Variants in TXNRD2 observed in about 807,000 individuals in gnomAD.
TXNRD2 encodes thioredoxin reductase 2, mitochondrial.
TXNRD2 carries 67 observed loss-of-function variants against 70.8 expected under a neutral mutation model. The observed-to-expected ratio is 0.95, with a 90% CI of 0.78 to 1.16. The LOEUF is 1.16. TXNRD2 is among the 50% of genes most tolerant of loss of function. The probability of loss-of-function intolerance (pLI) is 0.00; values close to 1 mark genes in which losing one functional copy is unlikely to be tolerated. For synonymous variants in TXNRD2, 301 were observed against 295.8 expected (o/e 1.02, Z -0.18); for missense variants, 644 against 719.9 (o/e 0.89, Z 1.21).
At chr22:19,878,031 G>A (rs970110744) in intron 16 of TXNRD2, 59 bp downstream of exon 16, 43 of 1,432,772 alleles carry the variant, frequency 3.0e-5, no homozygotes, top group South Asian at 1.2e-4. Flanking sequence ...TAGGACTGCC[G>A]GCACTCGAGG....
chr22:19,885,522 G>A (rs376657425), intron 11 of TXNRD2, among the ~76,000 whole-genome samples: 5 of 152,236 alleles, frequency 3.3e-5, no homozygotes, highest in Admixed American at 6.5e-5. Flanking sequence ...GGCTGGCACC[G>A]GTCGGGGATC....
Position 19,919,573 on chromosome 22 carries a change from C to A in TXNRD2, c.199G>T (p.Val67Leu). The A allele has an allele frequency of 1.3e-6, 2 of 1,564,222 alleles. No homozygotes were observed. The highest frequency in any genetic ancestry group is 8.7e-7 in the Non-Finnish European group (1 of 1,155,232). ...GGAGAAGGTTCCACGTAGTCCACCACGGCCACCTTCCTTCCCAGCTGGGCG... is the reference window on the plus strand; with the variant it reads ...GGAGAAGGTTCCACGTAGTCCACCAAGGCCACCTTCCTTCCCAGCTGGGCG... ...EAAQLGRKVA[V>L]VDYVEPSPQG... is the part of the protein sequence containing the mutation. Residue 67 changes from valine (V) to leucine (L), a missense_variant, in exon 3 of 18, where the codon GTG (valine) becomes TTG (leucine). Physicochemically the swap from Val to Leu is conservative, Grantham distance 32. This residue lies in a region of TXNRD2 where 566 missense variants were observed against 645.0 expected (regional missense o/e 0.88). Transcript: ENST00000400521.
At chr22:19,876,977 C>A (rs1938534867) in intron 17 of TXNRD2, 63 bp downstream of exon 17, 6 of 1,233,364 alleles carry the variant, frequency 4.9e-6, no homozygotes. Context: ...GAGCCCATGG[C>A]CAGGGCTCCT....
intron 11 of TXNRD2, chr22:19,894,869 C>A: frequency 1.5e-6 from 1 of 649,224 alleles, no homozygotes; most frequent in South Asian, 2.0e-5. Flanking sequence ...GCGCCTGTAG[C>A]CCCAGCTACC....
chr22:19,912,458 G>A lies in TXNRD2; in HGVS notation c.592-1011C>T, dbSNP rs545051110. Among the ~76,000 whole-genome samples, 7 of 152,304 alleles carry A rather than the reference G, an allele frequency of 4.6e-5. No individual in the cohort carries two copies. In the East Asian group the frequency reaches 1.2e-3, roughly 25 times the overall value. On this transcript the variant is annotated intron_variant, in intron 7 of 17. Transcript: ENST00000400521. Reference sequence around the variant, plus strand: ...CCCAAAGAGCCGTCAGCAGCTGCCCGTGAGGTGCAGAGCAGGGCCGGGCCA... The same window carrying A: ...CCCAAAGAGCCGTCAGCAGCTGCCCATGAGGTGCAGAGCAGGGCCGGGCCA...
chr22:19,896,543 C>T (rs1181621799), intron 10 of TXNRD2, among the ~76,000 whole-genome samples: 1 of 152,086 alleles, frequency 6.6e-6, no homozygotes, highest in East Asian at 1.9e-4. Flanking sequence ...AGACTCTGCT[C>T]CCGCCTAGAA....
Position 19,883,313 on chromosome 22 carries a change from C to T in TXNRD2, c.1086+12G>A, listed in dbSNP as rs143966577. On this transcript the variant is annotated intron_variant, in intron 12 of 17. Transcript: ENST00000400521. ...AGGGGCAGGGGCCCTGGTCCCGGGA[C>T]GCATGCCGTACCTCCACCACGTCAC... 343 of 1,612,332 alleles carry T rather than the reference C, an allele frequency of 2.1e-4. 1 individual carries two copies. In the East Asian group the frequency reaches 2.8e-3, roughly 13 times the overall value.
At position 19,883,464 on chromosome 22, in the gene TXNRD2, G is replaced by A; in HGVS notation, c.950-3C>T. The A allele has an allele frequency of 6.2e-7, 1 of 1,614,012 alleles. No homozygotes were observed. Among genetic ancestry groups the A allele is most frequent in the Non-Finnish European group, 8.5e-7 (1 of 1,180,034 alleles). Reference sequence around the variant, plus strand: ...ACTTCTGGTGTCTGGGACTCGACCTGAAGGAAACAGAGAGGGGGCTGAAAG... The same window carrying A: ...ACTTCTGGTGTCTGGGACTCGACCTAAAGGAAACAGAGAGGGGGCTGAAAG... On this transcript the variant is annotated splice_region_variant and splice_polypyrimidine_tract_variant and intron_variant, in intron 11 of 17. Transcript: ENST00000400521.
chr22:19,900,184 A>G (rs1939707301), intron 8 of TXNRD2, among the ~76,000 whole-genome samples: 1 of 152,216 alleles, frequency 6.6e-6, no homozygotes, highest in African/African-American at 2.4e-5. Context: ...GGCTGAGCAC[A>G]AGGTGGTTAC....
chr22:19,936,469 T>C (rs1941543062), intron 1 of TXNRD2, among the ~76,000 whole-genome samples: 1 of 152,156 alleles, frequency 6.6e-6, no homozygotes, highest in South Asian at 2.1e-4. Context: ...GGACCATATC[T>C]ATGCTAACTC....
chr22:19,907,039 G>A (rs1278838105), intron 8 of TXNRD2, among the ~76,000 whole-genome samples: 18 of 70,518 alleles, frequency 2.6e-4, no homozygotes, highest in Non-Finnish European at 3.3e-4. Flanking sequence ...AGCAGTGACC[G>A]CTCTCAGGAG....
intron 2 of TXNRD2, among the ~76,000 whole-genome samples, chr22:19,929,896 A>C (rs1444791036): frequency 6.6e-6 from 1 of 152,144 alleles, no homozygotes; most frequent in Non-Finnish European, 1.5e-5. Context: ...CTCTGCAGGG[A>C]AATGCCACTC....
At chr22:19,907,534 CCGTGGGTAGCAGTG>C (rs1940107207) in intron 8 of TXNRD2, among the ~76,000 whole-genome samples, 1 of 22,554 alleles carries the variant, frequency 4.4e-5, no homozygotes, top group African/African-American at 2.1e-4. Flanking sequence ...AGTGTGGGCG[CCGTGGGTAGCAGTG>C]ACCGCTCTCA....
intron 2 of TXNRD2, among the ~76,000 whole-genome samples, chr22:19,924,540 T>C (rs543869969): frequency 3.9e-5 from 6 of 152,256 alleles, no homozygotes; most frequent in African/African-American, 1.4e-4. Flanking sequence ...CCACTAGCCA[T>C]TCTGCATGTT....
intron 1 of TXNRD2, among the ~76,000 whole-genome samples, chr22:19,937,576 T>C (rs1259116368): frequency 6.6e-6 from 1 of 152,180 alleles, no homozygotes. Context: ...TGTGAAGGCG[T>C]TGGATCGGAG....
At chr22:19,896,995 G>A (rs1316560771) in intron 10 of TXNRD2, among the ~76,000 whole-genome samples, 1 of 152,144 alleles carries the variant, frequency 6.6e-6, no homozygotes, top group African/African-American at 2.4e-5. Flanking sequence ...CATCCTCCTT[G>A]CCTGGGCACG....
At chr22:19,940,095 AT>A in intron 1 of TXNRD2, among the ~76,000 whole-genome samples, 1 of 152,034 alleles carries the variant, frequency 6.6e-6, no homozygotes, top group Non-Finnish European at 1.5e-5. Flanking sequence ...TACAAAAAAA[AT>A]TAGCCAGGCG....
At chr22:19,906,943 G>A (rs192651416) in intron 8 of TXNRD2, among the ~76,000 whole-genome samples, 360 of 92,646 alleles carry the variant, frequency 3.9e-3, no homozygotes, top group African/African-American at 0.014. Flanking sequence ...TGTGGGCACC[G>A]TAAGTAGCAG....
At chr22:19,910,777 T>A (rs907564077) in intron 8 of TXNRD2, among the ~76,000 whole-genome samples, 2 of 152,042 alleles carry the variant, frequency 1.3e-5, no homozygotes, top group African/African-American at 4.8e-5. Flanking sequence ...TCGGTTAATA[T>A]TTTCAGATTT....
Sources: allele counts gnomAD v4.1 joint callset (sites outside exome capture counted in the v4.1 genomes callset), GRCh38; gene constraint gnomAD v4.1.1; regional missense constraint gnomAD v4.1.1; transcripts MANE v1.5; gene names NCBI Gene and HGNC (gene_info 2026-07-23, HGNC 2026-07-21).